The following TMOD3 variants were observed in gnomAD, a reference collection of about 807,000 sequenced individuals.
The protein encoded by TMOD3 is tropomodulin 3.
In TMOD3, 20 loss-of-function variants were observed where a neutral mutation model predicts 39.2. The observed-to-expected ratio is 0.51, with a 90% CI of 0.36 to 0.74. The LOEUF (loss-of-function observed/expected upper bound fraction) is 0.74, where lower values mean the gene tolerates loss of function less well. TMOD3 is among the 30% of genes least tolerant of loss of function. TMOD3 has a pLI of 0.00. For missense variants in TMOD3, 381 were observed against 412.8 expected, an observed-to-expected ratio of 0.92 and a Z score of 0.67; for synonymous variants, 143 against 145.8, an observed-to-expected ratio of 0.98 and a Z score of 0.14.
intron 2 of TMOD3, among the ~76,000 whole-genome samples, chr15:51,868,844 C>T (rs1203195209): frequency 6.6e-6 from 1 of 152,066 alleles, no homozygotes; most frequent in Non-Finnish European, 1.5e-5. Flanking sequence ...TGGTGGCAGG[C>T]GCCTGTAATC....
intron 9 of TMOD3, among the ~76,000 whole-genome samples, chr15:51,906,069 A>G (rs547207500): frequency 6.6e-6 from 1 of 152,234 alleles, no homozygotes; most frequent in East Asian, 1.9e-4. Flanking sequence ...GCTGGAAGGT[A>G]ACAAGTGAGC....
At chr15:51,903,946 C>T (rs1189013286) in intron 9 of TMOD3, among the ~76,000 whole-genome samples, 1 of 152,220 alleles carries the variant, frequency 6.6e-6, no homozygotes, top group Non-Finnish European at 1.5e-5. Flanking sequence ...GTGCGCTACA[C>T]AGCCACGAGC....
chr15:51,882,621 A>C (rs770579321), intron 3 of TMOD3, among the ~76,000 whole-genome samples: 1 of 152,256 alleles, frequency 6.6e-6, no homozygotes, highest in Non-Finnish European at 1.5e-5. Context: ...AAATCAGTTG[A>C]CCATAAGTAT....
intron 9 of TMOD3, among the ~76,000 whole-genome samples, chr15:51,908,452 TG>T (rs1172946802): frequency 5.3e-5 from 8 of 152,134 alleles, no homozygotes; most frequent in Non-Finnish European, 1.2e-4. Flanking sequence ...CAAAAACAAA[TG>T]ACTTGTAGAT....
At chr15:51,848,202 G>A (rs986805911) in intron 1 of TMOD3, among the ~76,000 whole-genome samples, 2 of 152,154 alleles carry the variant, frequency 1.3e-5, no homozygotes, top group Non-Finnish European at 2.9e-5. Context: ...CAGCCTAAAT[G>A]GGCTAAGACA....
chr15:51,853,119 A>G (rs1172843414), intron 1 of TMOD3, among the ~76,000 whole-genome samples: 1 of 152,234 alleles, frequency 6.6e-6, no homozygotes, highest in East Asian at 1.9e-4. Context: ...CTACATGAAT[A>G]GCTGAATTTT....
chr15:51,903,768 G>A (rs2056664474), intron 9 of TMOD3, among the ~76,000 whole-genome samples: 1 of 152,090 alleles, frequency 6.6e-6, no homozygotes, highest in African/African-American at 2.4e-5. Context: ...GTTCTAGCTG[G>A]ACTTCATAAA....
intron 2 of TMOD3, among the ~76,000 whole-genome samples, chr15:51,865,173 G>A (rs2141686306): frequency 6.6e-6 from 1 of 152,058 alleles, no homozygotes; most frequent in Admixed American, 6.6e-5. Flanking sequence ...AAAATTTTTT[G>A]TAGAGACAGG....
intron 1 of TMOD3, among the ~76,000 whole-genome samples, chr15:51,842,055 C>A (rs1304912139): frequency 6.6e-6 from 1 of 152,156 alleles, no homozygotes; most frequent in Non-Finnish European, 1.5e-5. Flanking sequence ...GGATTACAGG[C>A]GTGAGCCACT....
At chr15:51,895,245 C>G (rs1266775737) in intron 6 of TMOD3, among the ~76,000 whole-genome samples, 1 of 145,496 alleles carries the variant, frequency 6.9e-6, no homozygotes, top group Non-Finnish European at 1.5e-5. Context: ...GAGACAGAGT[C>G]TTGCTCTGTT....
chr15:51,861,776 G>T (rs1447479642), intron 1 of TMOD3, among the ~76,000 whole-genome samples: 1 of 151,220 alleles, frequency 6.6e-6, no homozygotes, highest in Non-Finnish European at 1.5e-5. Flanking sequence ...TCCCATCTCA[G>T]CCTCCTGAGT....
chr15:51,884,732 T>C (rs1020312971), intron 3 of TMOD3: 1 of 152,010 alleles, frequency 6.6e-6, no homozygotes, highest in Non-Finnish European at 1.5e-5. Context: ...CTTGGTGCTA[T>C]AAAGGTCATC....
intron 1 of TMOD3, chr15:51,859,552 G>T: frequency 1.6e-6 from 1 of 614,148 alleles, no homozygotes. Flanking sequence ...TTATCCTTCA[G>T]GGTTACTGAG....
chr15:51,908,715 A>C, intron 9 of TMOD3, 61 bp from the exon 10 acceptor site: 2 of 1,409,286 alleles, frequency 1.4e-6, no homozygotes, highest in Non-Finnish European at 2.0e-6. Flanking sequence ...TGTTATAAGC[A>C]AGTTACCATT....
intron 1 of TMOD3, among the ~76,000 whole-genome samples, chr15:51,848,961 T>C (rs2056348368): frequency 1.3e-5 from 2 of 152,190 alleles, no homozygotes; most frequent in African/African-American, 4.8e-5. Flanking sequence ...GTTAACATAA[T>C]CTGTAGAAGT....
chr15:51,901,366 T>C (rs1044279777), intron 8 of TMOD3: 2 of 153,506 alleles, frequency 1.3e-5, no homozygotes, highest in Non-Finnish European at 2.9e-5. Flanking sequence ...GTTTAACTTT[T>C]TGAGCAGCAG....
chr15:51,846,976 G>A (rs1265533320), intron 1 of TMOD3, among the ~76,000 whole-genome samples: 7 of 152,140 alleles, frequency 4.6e-5, no homozygotes, highest in Admixed American at 4.6e-4. Flanking sequence ...CACAGAGTGG[G>A]TTCCTCTTTG....
At chr15:51,876,780 A>G (rs2570259) in intron 3 of TMOD3, among the ~76,000 whole-genome samples, 7,427 of 152,136 alleles carry the variant, frequency 0.049, 416 homozygotes, top group African/African-American at 0.12. Flanking sequence ...TTTTTAAAAA[A>G]AAAAATCTTC....
chr15:51,845,236 A>G (rs545908090), intron 1 of TMOD3, among the ~76,000 whole-genome samples: 1 of 152,296 alleles, frequency 6.6e-6, no homozygotes, highest in East Asian at 1.9e-4. Flanking sequence ...TAGCTGCCTA[A>G]GGACTGAGGG....
Sources: allele counts gnomAD v4.1 joint callset (sites outside exome capture counted in the v4.1 genomes callset), GRCh38; gene constraint gnomAD v4.1.1; transcripts MANE v1.5; gene names NCBI Gene and HGNC (gene_info 2026-07-23, HGNC 2026-07-21).